GRID1: variants seen among roughly 807,000 people sequenced by gnomAD.
GRID1 encodes glutamate ionotropic receptor delta type subunit 1, also known as glutamate receptor ionotropic, delta-1.
A neutral mutation model predicts 98.0 loss-of-function variants in GRID1; 28 were observed. That is an observed-to-expected ratio of 0.29 (90% CI 0.21 to 0.39). The LOEUF (loss-of-function observed/expected upper bound fraction) is 0.39. Ranked by LOEUF, GRID1 falls within the 10% of genes least tolerant of loss-of-function variation. The pLI, the probability that GRID1 is intolerant of heterozygous loss-of-function variation, is 1.00. For synonymous variants in GRID1, 553 were observed against 538.5 expected (o/e 1.03, Z -0.37); for missense variants, 1,111 against 1,340.5 (o/e 0.83, Z 2.67).
At chr10:86,143,116 C>G (rs12355585) in intron 3 of GRID1, among the ~76,000 whole-genome samples, 6,501 of 152,290 alleles carry the variant, frequency 0.043, 148 homozygotes, top group Non-Finnish European at 0.054. Flanking sequence ...ATCAGTGATG[C>G]TGGCTGAAGC....
chr10:85,778,388 T>C (rs148998548), intron 8 of GRID1, among the ~76,000 whole-genome samples: 2 of 152,258 alleles, frequency 1.3e-5, no homozygotes, highest in Non-Finnish European at 2.9e-5. Context: ...GAATGAAGTG[T>C]CACTGGGAAT....
chr10:86,284,244 C>T (rs1847397847), intron 2 of GRID1, among the ~76,000 whole-genome samples: 1 of 152,086 alleles, frequency 6.6e-6, no homozygotes, highest in Non-Finnish European at 1.5e-5. Context: ...TGCCTTCACA[C>T]ACACACCTGC....
intron 3 of GRID1, among the ~76,000 whole-genome samples, chr10:86,159,130 G>A (rs1195849171): frequency 2.0e-5 from 3 of 152,194 alleles, no homozygotes; most frequent in East Asian, 1.9e-4. Context: ...TCCTGACCTC[G>A]TGATCCGCCT....
At chr10:85,915,488 CACAT>C (rs1198227829) in intron 5 of GRID1, among the ~76,000 whole-genome samples, 1 of 151,882 alleles carries the variant, frequency 6.6e-6, no homozygotes, top group Non-Finnish European at 1.5e-5. Flanking sequence ...CACATATTCA[CACAT>C]ACATTTATAC....
chr10:85,971,038 T>TAA (rs1204670911), intron 4 of GRID1, among the ~76,000 whole-genome samples: 1 of 152,002 alleles, frequency 6.6e-6, no homozygotes, highest in Non-Finnish European at 1.5e-5. Context: ...TATTTCTATA[T>TAA]ACTATCATGA....
chr10:85,972,240 C>T (rs760255589), intron 4 of GRID1, among the ~76,000 whole-genome samples: 1 of 151,474 alleles, frequency 6.6e-6, no homozygotes, highest in Admixed American at 6.6e-5. Context: ...CTCTTTTTCC[C>T]CCGGTACAGC....
intron 4 of GRID1, among the ~76,000 whole-genome samples, chr10:86,015,570 G>A (rs1174283766): frequency 6.6e-6 from 1 of 152,250 alleles, no homozygotes; most frequent in Non-Finnish European, 1.5e-5. Context: ...CAGCTGTGGA[G>A]GAAGTGGCAG....
chr10:85,796,708 A>G (rs1263805331), intron 8 of GRID1, among the ~76,000 whole-genome samples: 1 of 152,150 alleles, frequency 6.6e-6, no homozygotes, highest in Non-Finnish European at 1.5e-5. Context: ...CTCAAAAAAA[A>G]AAAAGAGCAA....
At chr10:85,779,480 C>T (rs542235098) in intron 8 of GRID1, among the ~76,000 whole-genome samples, 1 of 152,224 alleles carries the variant, frequency 6.6e-6, no homozygotes, top group East Asian at 1.9e-4. Flanking sequence ...GCAGACATCA[C>T]CACTCCCAGA....
chr10:85,786,874 G>A (rs1034714689), intron 8 of GRID1, among the ~76,000 whole-genome samples: 1 of 151,634 alleles, frequency 6.6e-6, no homozygotes, highest in African/African-American at 2.4e-5. Flanking sequence ...TGGAGGAGGG[G>A]TGGTGGGAGG....
intron 4 of GRID1, among the ~76,000 whole-genome samples, chr10:86,087,338 TG>T (rs1844074971): frequency 7.6e-6 from 1 of 130,790 alleles, no homozygotes; most frequent in Non-Finnish European, 1.5e-5. Flanking sequence ...GGTTTGAGTG[TG>T]TTTGTGTGTG....
chr10:86,010,262 T>C (rs1229136779), intron 4 of GRID1, among the ~76,000 whole-genome samples: 1 of 152,198 alleles, frequency 6.6e-6, no homozygotes, highest in Admixed American at 6.5e-5. Flanking sequence ...TAGACAAATA[T>C]CCATTGAATA....
chr10:85,994,752 G>C (rs904315068), intron 4 of GRID1, among the ~76,000 whole-genome samples: 2 of 152,210 alleles, frequency 1.3e-5, no homozygotes, highest in African/African-American at 2.4e-5. Context: ...TGTCAGAAAA[G>C]AGTAGGTAAG....
chr10:86,214,827 C>T (rs768739959), intron 2 of GRID1, among the ~76,000 whole-genome samples: 1 of 152,200 alleles, frequency 6.6e-6, no homozygotes, highest in Admixed American at 6.5e-5. Flanking sequence ...CAAGATAGTG[C>T]CACTGCACTT....
chr10:86,298,517 A>C (rs1440800749), intron 2 of GRID1, among the ~76,000 whole-genome samples: 1 of 152,130 alleles, frequency 6.6e-6, no homozygotes, highest in African/African-American at 2.4e-5. Context: ...GTGTGGGGCT[A>C]TGGGCAGCCC....
chr10:85,605,565 G>C (rs1277648020), intron 15 of GRID1: 2 of 152,134 alleles, frequency 1.3e-5, no homozygotes, highest in African/African-American at 2.4e-5. Context: ...AGGACTTTAA[G>C]GACCCCTTTG....
intron 12 of GRID1, among the ~76,000 whole-genome samples, chr10:85,701,965 G>A (rs911425449): frequency 2.6e-5 from 4 of 151,962 alleles, no homozygotes; most frequent in Non-Finnish European, 4.4e-5. Flanking sequence ...AACCAATGGG[G>A]AAAAGTACAT....
At chr10:86,252,358 C>T (rs1321894757) in intron 2 of GRID1, among the ~76,000 whole-genome samples, 8 of 152,224 alleles carry the variant, frequency 5.3e-5, no homozygotes, top group Non-Finnish European at 1.0e-4. Context: ...CCTCCTGGGA[C>T]TCCCCAGGCA....
At chr10:86,091,492 G>T (rs1478664216) in intron 4 of GRID1, among the ~76,000 whole-genome samples, 1 of 152,006 alleles carries the variant, frequency 6.6e-6, no homozygotes, top group East Asian at 1.9e-4. Flanking sequence ...CTGGCCCAAG[G>T]AGAGTCTGAG....
Sources: allele counts gnomAD v4.1 joint callset (sites outside exome capture counted in the v4.1 genomes callset), GRCh38; gene constraint gnomAD v4.1.1; transcripts MANE v1.5; gene names NCBI Gene and HGNC (gene_info 2026-07-23, HGNC 2026-07-21).